Variants in FARP1 observed in about 807,000 individuals in gnomAD.
FARP1 encodes the protein FERM, ARH/RhoGEF and pleckstrin domain protein 1.
FARP1 carries 52 observed loss-of-function variants against 128.8 expected under a neutral mutation model. The observed-to-expected ratio is 0.40, with a 90% CI of 0.32 to 0.51. FARP1 has a LOEUF of 0.51. Ranked by LOEUF, FARP1 falls within the 20% of genes least tolerant of loss-of-function variation. The pLI, the probability that FARP1 is intolerant of heterozygous loss-of-function variation, is 0.45. For synonymous variants in FARP1, 580 were observed against 551.8 expected, an observed-to-expected ratio of 1.05 and a Z score of -0.72; for missense variants, 1,333 against 1,367.9, an observed-to-expected ratio of 0.97 and a Z score of 0.40.
chr13:98,183,820 C>T (rs1404408486), intron 1 of FARP1, among the ~76,000 whole-genome samples: 1 of 152,114 alleles, frequency 6.6e-6, no homozygotes, highest in African/African-American at 2.4e-5. Context: ...TTTCTTTTAC[C>T]TTGAGAATGA....
chr13:98,449,373 G>C lies in FARP1; in HGVS notation c.*1056G>C, dbSNP rs574288068. 1 of 152,194 alleles carries C rather than the reference G, an allele frequency of 6.6e-6. No homozygotes were observed. The highest frequency in any genetic ancestry group is 2.1e-4 in the South Asian group (1 of 4,818). 9.4% of individuals were successfully genotyped at this position (152,194 alleles called of 1,614,324 possible). On this transcript the variant is annotated 3_prime_UTR_variant, in exon 27 of 27. Coordinates refer to ENST00000319562, the MANE Select transcript of FARP1 (RefSeq NM_005766.4). ...CCCCAGGCATGGGGTAGTGTCAGTCGGACTGCACAGGGAACACGGTTTCCA... is the reference window on the plus strand; with the variant it reads ...CCCCAGGCATGGGGTAGTGTCAGTCCGACTGCACAGGGAACACGGTTTCCA...
chr13:98,297,739 C>G (rs1885761650), intron 2 of FARP1, among the ~76,000 whole-genome samples: 2 of 152,160 alleles, frequency 1.3e-5, no homozygotes, highest in African/African-American at 2.4e-5. Flanking sequence ...GCCCCTCTCT[C>G]TCATCTGATT....
At chr13:98,202,558 T>G (rs1450498834) in intron 1 of FARP1, among the ~76,000 whole-genome samples, 1 of 152,198 alleles carries the variant, frequency 6.6e-6, no homozygotes, top group African/African-American at 2.4e-5. Flanking sequence ...TCTCTTCATC[T>G]ACCCGGCTTG....
chr13:98,410,914 T>A, intron 15 of FARP1, 91 bp downstream of exon 15: 1 of 619,712 alleles, frequency 1.6e-6, no homozygotes, highest in South Asian at 2.3e-5. Context: ...TAATTAAATG[T>A]TGGATTCGCT....
intron 2 of FARP1, among the ~76,000 whole-genome samples, chr13:98,302,486 T>G (rs767496702): frequency 2.6e-5 from 4 of 152,178 alleles, no homozygotes; most frequent in African/African-American, 7.2e-5. Flanking sequence ...TTTGCCACAC[T>G]TCACCCTTCC....
chr13:98,392,305 C>T (rs1343187486), intron 11 of FARP1, among the ~76,000 whole-genome samples: 1 of 116,412 alleles, frequency 8.6e-6, no homozygotes, highest in Non-Finnish European at 1.6e-5. Flanking sequence ...GGTAACATGA[C>T]GAAAGCTCAT....
chr13:98,239,159 A>T lies in FARP1; in HGVS notation c.171+25746A>T, dbSNP rs117479662. Among the ~76,000 whole-genome samples, 1,327 of 152,300 alleles carry T rather than the reference A, an allele frequency of 8.7e-3. 5 individuals carry two copies. Among genetic ancestry groups the T allele is most frequent in the Non-Finnish European group, 0.014 (938 of 68,024 alleles). On this transcript the variant is annotated intron_variant, in intron 2 of 26. Transcript: ENST00000319562. ...TTGTGGGGAAATAACACCAGCATTC[A>T]GTATATTGAACACTTAAGATACTTA...
chr13:98,431,531 G>A (rs1300992541), intron 18 of FARP1: 4 of 314,868 alleles, frequency 1.3e-5, no homozygotes, highest in South Asian at 5.1e-5. Context: ...GTGCGATCTC[G>A]GCTCACTGCA....
intron 1 of FARP1, among the ~76,000 whole-genome samples, chr13:98,168,380 T>C (rs1191904764): frequency 6.6e-6 from 1 of 152,200 alleles, no homozygotes; most frequent in Non-Finnish European, 1.5e-5. Flanking sequence ...CACATATGTA[T>C]CTAATTAATT....
chr13:98,323,421 C>T (rs1355676012), intron 2 of FARP1, among the ~76,000 whole-genome samples: 1 of 149,430 alleles, frequency 6.7e-6, no homozygotes, highest in Non-Finnish European at 1.5e-5. Context: ...TTCCTGCTGG[C>T]TTCGGAGATG....
At position 98,213,621 on chromosome 13, in the gene FARP1, T is replaced by C. The variant is rs138025539; in HGVS notation, c.171+208T>C. ...TAGATTTATGCTTGAACCACCCACA[T>C]AGTGATGTCAGTGGCCTCGGCACTT... On this transcript the variant is annotated intron_variant, in intron 2 of 26. Coordinates refer to ENST00000319562, the MANE Select transcript of FARP1 (RefSeq NM_005766.4). Among the ~76,000 whole-genome samples the C allele has an allele frequency of 3.3e-3, 498 of 152,198 alleles. 9 individuals are homozygous for C. The highest frequency in any genetic ancestry group is 0.012 in the African/African-American group (484 of 41,538).
At chr13:98,167,819 T>C (rs1877378896) in intron 1 of FARP1, among the ~76,000 whole-genome samples, 1 of 152,216 alleles carries the variant, frequency 6.6e-6, no homozygotes, top group African/African-American at 2.4e-5. Flanking sequence ...TTTCTAATAA[T>C]AATCAGTAGT....
At chr13:98,349,671 GGAAAAAAAAA>G (rs1411161200) in intron 3 of FARP1, among the ~76,000 whole-genome samples, 1,549 of 83,118 alleles carry the variant, frequency 0.019, 70 homozygotes, top group African/African-American at 0.06. Flanking sequence ...CCCATCTCAG[GGAAAAAAAAA>G]AAAAAAAAAA....
At chr13:98,185,708 G>GT (rs1233949457) in intron 1 of FARP1, among the ~76,000 whole-genome samples, 21 of 149,460 alleles carry the variant, frequency 1.4e-4, no homozygotes, top group African/African-American at 4.7e-4. Context: ...TTGTTTGTTT[G>GT]TTTTTTTGAG....
chr13:98,385,907 C>T, intron 8 of FARP1, 93 bp downstream of exon 8: 1 of 1,331,362 alleles, frequency 7.5e-7, no homozygotes, highest in Non-Finnish European at 1.0e-6. Context: ...GGGCTAAGAC[C>T]TCTGATGGTT....
At chr13:98,325,619 C>T (rs1390390651) in intron 2 of FARP1, among the ~76,000 whole-genome samples, 6 of 152,192 alleles carry the variant, frequency 3.9e-5, no homozygotes, top group African/African-American at 1.4e-4. Flanking sequence ...GAATCAGGTT[C>T]CTAAATTCTA....
At chr13:98,412,490 T>G (rs1471542270) in intron 16 of FARP1, among the ~76,000 whole-genome samples, 3 of 152,280 alleles carry the variant, frequency 2.0e-5, no homozygotes, top group Non-Finnish European at 4.4e-5. Context: ...ATGTGGCGTG[T>G]GCATGCGCAC....
intron 10 of FARP1, 97 bp downstream of exon 10, chr13:98,390,217 G>A (rs1175107129): frequency 1.2e-5 from 16 of 1,330,250 alleles, no homozygotes; most frequent in Middle Eastern, 2.6e-4. Context: ...GGAGGTGAAC[G>A]CTCATTGGCC....
chr13:98,229,102 T>C (rs1207124453), intron 2 of FARP1, among the ~76,000 whole-genome samples: 3 of 152,236 alleles, frequency 2.0e-5, no homozygotes, highest in Non-Finnish European at 4.4e-5. Context: ...GAATAACATA[T>C]GACATTCCAA....
Sources: gnomAD v4.1 joint callset for allele counts (sites outside exome capture counted in the v4.1 genomes callset) on GRCh38, gnomAD v4.1.1 for gene constraint, MANE v1.5 for transcripts, NCBI Gene and HGNC (gene_info 2026-07-23, HGNC 2026-07-21) for gene names.